The following CBR4 variants were observed in gnomAD, a reference collection of about 807,000 sequenced individuals.
CBR4 encodes 3-oxoacyl-[acyl-carrier-protein] reductase.
In CBR4, 22 loss-of-function variants were observed where a neutral mutation model predicts 21.0. That is an observed-to-expected ratio of 1.05 (90% CI 0.75 to 1.50). The LOEUF (loss-of-function observed/expected upper bound fraction) is 1.50, where lower values mean the gene tolerates loss of function less well. CBR4 is among the 40% of genes most tolerant of loss of function. CBR4 has a pLI of 0.00. For synonymous variants in CBR4, 100 were observed against 104.4 expected (o/e 0.96, Z 0.26); for missense variants, 302 against 286.3 (o/e 1.05, Z -0.40).
intron 2 of CBR4, among the ~76,000 whole-genome samples, chr4:168,920,484 A>C (rs1447496248): frequency 2.0e-5 from 3 of 152,130 alleles, no homozygotes; most frequent in Non-Finnish European, 1.5e-5. Flanking sequence ...TTTGTATATA[A>C]CTTCGTACTA....
intron 3 of CBR4, among the ~76,000 whole-genome samples, chr4:169,005,527 T>C (rs140865722): frequency 7.9e-5 from 12 of 152,294 alleles, no homozygotes; most frequent in African/African-American, 2.6e-4. Flanking sequence ...ATTCTAAAAG[T>C]TTTGCATGCA....
intron 2 of CBR4, among the ~76,000 whole-genome samples, chr4:168,906,496 T>C (rs190352274): frequency 6.6e-6 from 1 of 152,200 alleles, no homozygotes; most frequent in African/African-American, 2.4e-5. Context: ...CAAATTATTA[T>C]GAAGTCACTA....
chr4:168,939,864 C>T (rs913450063), intron 2 of CBR4, among the ~76,000 whole-genome samples: 24 of 152,002 alleles, frequency 1.6e-4, no homozygotes, highest in Admixed American at 1.6e-3. Flanking sequence ...CCATACTGCC[C>T]AAACTAATTT....
At chr4:168,921,032 G>C (rs555606541) in intron 2 of CBR4, among the ~76,000 whole-genome samples, 1 of 152,260 alleles carries the variant, frequency 6.6e-6, no homozygotes, top group African/African-American at 2.4e-5. Flanking sequence ...GAATTGTTTA[G>C]ATGTAAGCTG....
rs185655945 is a variant in CBR4, at chr4:168,994,189, G to C, written c.536-3861C>G. The stretch of plus-strand genomic sequence containing the variant: ...TAGATTAACTAAAAGTATTCCTTAC[G>C]GGAAACAAAGGGATGGGCCGAAATA... On this transcript the variant is annotated intron_variant, in intron 4 of 4. Coordinates refer to ENST00000306193, the MANE Select transcript of CBR4 (RefSeq NM_032783.5). Among the ~76,000 whole-genome samples the C allele has an allele frequency of 4.8e-3, 738 of 152,310 alleles. 3 individuals carry two copies. The highest frequency in any genetic ancestry group is 7.0e-3 in the Non-Finnish European group (476 of 68,018).
rs1560980080 is a variant in CBR4, at chr4:168,988,259, T to C, written c.*1891A>G. ...AGATCTCTCCATATATTCCACCAGTTTGAGATAGGCTGGGGGAGGAGGTGG... is the reference window on the plus strand; with the variant it reads ...AGATCTCTCCATATATTCCACCAGTCTGAGATAGGCTGGGGGAGGAGGTGG... On this transcript the variant is annotated 3_prime_UTR_variant, in exon 5 of 5. Coordinates refer to ENST00000306193, the MANE Select transcript of CBR4 (RefSeq NM_032783.5). 1 of 985,314 alleles carries C rather than the reference T, an allele frequency of 1.0e-6. No homozygotes were observed. The highest frequency in any genetic ancestry group is 1.2e-6 in the Non-Finnish European group (1 of 829,920). 61.0% of individuals were successfully genotyped at this position (985,314 alleles called of 1,614,324 possible).
chr4:168,961,761 G>C lies in CBR4; in HGVS notation n.169+40310C>G, dbSNP rs1241732819. On this transcript the variant is annotated intron_variant and non_coding_transcript_variant, in intron 2 of 3. Coordinates refer to the CBR4 transcript ENST00000509108. ...AAAAATTAGCTGGCCATGGCGAAAG[G>C]CGCCTGTAATCCCAGCTACTCATGA... 2.0e-5 allele frequency among the ~76,000 whole-genome samples: 3 copies of C among 152,230 alleles called. No individual in the cohort carries two copies. In the East Asian group the frequency reaches 5.8e-4, roughly 29 times the overall value.
At chr4:168,967,775 T>C (rs920812206) in intron 2 of CBR4, among the ~76,000 whole-genome samples, 1 of 152,120 alleles carries the variant, frequency 6.6e-6, no homozygotes, top group African/African-American at 2.4e-5. Flanking sequence ...TGATAGACCA[T>C]GGTATTGAGA....
Position 168,991,491 on chromosome 4 carries a change from G to C in CBR4, c.536-1163C>G, listed in dbSNP as rs17615264. On this transcript the variant is annotated intron_variant, in intron 4 of 4. Transcript: ENST00000306193. ...CCATATCTGGATTTTAAAATCTTAC[G>C]GTCATATCCAATTCTGATACAAGTA... Among the ~76,000 whole-genome samples, 212 of 152,154 alleles carry C rather than the reference G, an allele frequency of 1.4e-3. 2 individuals carry two copies. The highest frequency in any genetic ancestry group is 8.7e-4 in the Non-Finnish European group (59 of 68,002).
Position 168,967,464 on chromosome 4 carries a change from T to C in CBR4, n.169+34607A>G, listed in dbSNP as rs142832234. Among the ~76,000 whole-genome samples the C allele has an allele frequency of 6.1e-3, 927 of 152,194 alleles. 9 individuals carry two copies. The highest frequency in any genetic ancestry group is 6.0e-3 in the Admixed American group (91 of 15,294). ...GGCACATGTATACCTATGTAACAAA[T>C]CTGCACATTGTGCACATGTACCCTA... On this transcript the variant is annotated intron_variant and non_coding_transcript_variant, in intron 2 of 3. Coordinates refer to the CBR4 transcript ENST00000509108.
Position 169,010,151 on chromosome 4 carries a change from C to A in CBR4, c.-62G>T. 6.7e-6 allele frequency: 9 copies of A among 1,348,032 alleles called. No homozygotes were observed. Among genetic ancestry groups the A allele is most frequent in the South Asian group, 1.6e-5 (1 of 61,132 alleles). The allele number at this position is 1,348,032 out of a possible 1,614,324, so 83.5% of individuals were successfully genotyped here. A position where few individuals can be genotyped will look rare whatever the true frequency, so the allele number is the denominator to read the frequency against. On this transcript the variant is annotated 5_prime_UTR_variant, in exon 1 of 5. Coordinates refer to ENST00000306193, the MANE Select transcript of CBR4 (RefSeq NM_032783.5). ...GTGGGAGCCCCTCTCCAGGTTCCCT[C>A]AGGCTTTTAAACAACCGCGGTTCCA...
At chr4:168,911,787 C>CAT (rs1167902748) in intron 2 of CBR4, among the ~76,000 whole-genome samples, 2 of 152,220 alleles carry the variant, frequency 1.3e-5, no homozygotes, top group African/African-American at 4.8e-5. Context: ...AATTCTCCTT[C>CAT]ATAATGTTAG....
intron 2 of CBR4, chr4:168,916,087 C>T: frequency 3.4e-6 from 5 of 1,484,552 alleles, no homozygotes; most frequent in Non-Finnish European, 4.7e-6. Flanking sequence ...CTTGCCATTT[C>T]TCTATAGTTC....
At chr4:168,998,442 A>G (rs1765308341) in intron 4 of CBR4, among the ~76,000 whole-genome samples, 1 of 152,208 alleles carries the variant, frequency 6.6e-6, no homozygotes, top group Non-Finnish European at 1.5e-5. Flanking sequence ...AACACCAAAT[A>G]TTACATGATT....
chr4:168,916,173 A>ATCT, intron 2 of CBR4: 1 of 826,644 alleles, frequency 1.2e-6, no homozygotes, highest in Non-Finnish European at 2.0e-6. Context: ...AGCACTTTAG[A>ATCT]GTCCAAAGCC....
At chr4:168,956,618 A>AAG in intron 2 of CBR4, among the ~76,000 whole-genome samples, 1 of 151,032 alleles carries the variant, frequency 6.6e-6, no homozygotes, top group Non-Finnish European at 1.5e-5. Context: ...AAAAAAAAAA[A>AAG]AAAAAAAAAC....
At chr4:169,009,074 A>C (rs1336420402) in intron 1 of CBR4, 14 of 449,686 alleles carry the variant, frequency 3.1e-5, no homozygotes, top group Non-Finnish European at 5.8e-5. Flanking sequence ...AAAAAAAAAA[A>C]AAACCAGATA....
chr4:168,935,630 A>T (rs555468482), intron 2 of CBR4, among the ~76,000 whole-genome samples: 134 of 151,658 alleles, frequency 8.8e-4, no homozygotes, highest in African/African-American at 2.8e-3. Context: ...CTCACGGTAT[A>T]AAAAAAAGCC....
At chr4:169,005,629 C>T (rs370403756) in intron 3 of CBR4, among the ~76,000 whole-genome samples, 79 of 152,264 alleles carry the variant, frequency 5.2e-4, no homozygotes, top group Non-Finnish European at 8.1e-4. Flanking sequence ...GTGACAGATA[C>T]AGGCCTGTTT....
Sources: gnomAD v4.1 joint callset for allele counts (sites outside exome capture counted in the v4.1 genomes callset) on GRCh38, gnomAD v4.1.1 for gene constraint, MANE v1.5 for transcripts, NCBI Gene and HGNC (gene_info 2026-07-23, HGNC 2026-07-21) for gene names.